Variants in CFAP61 observed in about 807,000 individuals in gnomAD.
CFAP61 encodes the protein cilia and flagella associated protein 61.
Under a neutral mutation model 135.6 loss-of-function variants are expected in CFAP61, and 107 were observed. The ratio of observed to expected loss-of-function variants is 0.79; its 90% CI spans 0.67 to 0.93. The LOEUF is 0.93. CFAP61 is among the 40% of genes least tolerant of loss of function. The pLI, the probability that CFAP61 is intolerant of heterozygous loss-of-function variation, is 0.00. For missense variants in CFAP61, 1,507 were observed against 1,556.2 expected, an observed-to-expected ratio of 0.97 and a Z score of 0.53; for synonymous variants, 575 against 578.5, an observed-to-expected ratio of 0.99 and a Z score of 0.09.
chr20:20,078,204 A>G (rs2046191805), intron 6 of CFAP61, among the ~76,000 whole-genome samples: 2 of 152,220 alleles, frequency 1.3e-5, no homozygotes, highest in Non-Finnish European at 2.9e-5. Flanking sequence ...ATAATGAGGC[A>G]TGACCGACCA....
At chr20:20,207,965 T>G (rs2056929418) in intron 17 of CFAP61, among the ~76,000 whole-genome samples, 1 of 152,236 alleles carries the variant, frequency 6.6e-6, no homozygotes, top group Non-Finnish European at 1.5e-5. Context: ...TACTAAGTAT[T>G]GTAAAGTGTG....
chr20:20,290,506 C>A (rs544707205), intron 24 of CFAP61, 115 bp downstream of exon 24: 2 of 702,808 alleles, frequency 2.8e-6, no homozygotes, highest in African/African-American at 3.5e-5. Context: ...ACATCAGAAG[C>A]CCACTGGAGT....
chr20:20,144,226 C>T (rs1337451558), intron 9 of CFAP61, among the ~76,000 whole-genome samples: 2 of 152,060 alleles, frequency 1.3e-5, no homozygotes, highest in Non-Finnish European at 2.9e-5. Context: ...ACTCACAAAA[C>T]TGGTAATATA....
At chr20:20,358,781 T>C (rs1305536204) in intron 26 of CFAP61, among the ~76,000 whole-genome samples, 1 of 152,246 alleles carries the variant, frequency 6.6e-6, no homozygotes, top group African/African-American at 2.4e-5. Context: ...AGCTTGAGTC[T>C]GTTTTCCTAT....
At chr20:20,156,613 A>G (rs1056949962) in intron 9 of CFAP61, among the ~76,000 whole-genome samples, 2 of 152,146 alleles carry the variant, frequency 1.3e-5, no homozygotes, top group African/African-American at 4.8e-5. Flanking sequence ...CACAGACAAC[A>G]TGACTACCTA....
chr20:20,277,096 T>C, intron 21 of CFAP61, 70 bp from the exon 22 acceptor site: 13 of 1,237,004 alleles, frequency 1.1e-5, no homozygotes, highest in Non-Finnish European at 1.3e-5. Flanking sequence ...CAATTCGGCA[T>C]TATTAGCATT....
intron 24 of CFAP61, among the ~76,000 whole-genome samples, chr20:20,291,610 C>T (rs2055002634): frequency 6.6e-6 from 1 of 152,092 alleles, no homozygotes; most frequent in Non-Finnish European, 1.5e-5. Flanking sequence ...TGTGATGCAT[C>T]GATAGATAAC....
chr20:20,158,360 A>G (rs1166780342), intron 9 of CFAP61, among the ~76,000 whole-genome samples: 1 of 152,004 alleles, frequency 6.6e-6, no homozygotes, highest in Non-Finnish European at 1.5e-5. Context: ...AAAAAAAAAA[A>G]AAAAAAAAGA....
chr20:20,083,684 G>A (rs1360159151), intron 6 of CFAP61, among the ~76,000 whole-genome samples: 1 of 152,076 alleles, frequency 6.6e-6, no homozygotes, highest in Non-Finnish European at 1.5e-5. Context: ...ATATCCTAAA[G>A]CATTCCAAAA....
At chr20:20,350,459 T>C (rs528797481) in intron 26 of CFAP61, among the ~76,000 whole-genome samples, 8 of 152,258 alleles carry the variant, frequency 5.3e-5, no homozygotes, top group African/African-American at 1.9e-4. Context: ...TGAAACCACA[T>C]CTCTACTAAA....
chr20:20,172,211 G>T (rs6081903), intron 13 of CFAP61: 898,899 of 962,482 alleles, frequency 0.93, 421,563 homozygotes, highest in Middle Eastern at 0.97. Context: ...CAGGATTTCA[G>T]TAACCTTATA....
At chr20:20,121,934 CTTT>C (rs545176887) in intron 8 of CFAP61, among the ~76,000 whole-genome samples, 1 of 142,248 alleles carries the variant, frequency 7.0e-6, no homozygotes, top group Non-Finnish European at 1.5e-5. Flanking sequence ...TTCATTGCTT[CTTT>C]TTTTTTTTTA....
At chr20:20,355,438 G>C (rs371134921) in intron 26 of CFAP61, among the ~76,000 whole-genome samples, 407 of 14,668 alleles carry the variant, frequency 0.028, 36 homozygotes, top group Middle Eastern at 0.33. Flanking sequence ...AGGGGAGGTG[G>C]TCACACTGTG....
chr20:20,149,181 T>A (rs934635708), intron 9 of CFAP61, among the ~76,000 whole-genome samples: 4 of 152,210 alleles, frequency 2.6e-5, no homozygotes, highest in Non-Finnish European at 5.9e-5. Flanking sequence ...GACCATATTA[T>A]GGGCTATAAA....
At chr20:20,275,665 G>A (rs2053697260) in intron 21 of CFAP61, among the ~76,000 whole-genome samples, 1 of 152,192 alleles carries the variant, frequency 6.6e-6, no homozygotes, top group African/African-American at 2.4e-5. Flanking sequence ...CCTTAGCTGT[G>A]TGAGACCTAA....
At chr20:20,129,139 C>T (rs990551550) in intron 8 of CFAP61, among the ~76,000 whole-genome samples, 2 of 151,670 alleles carry the variant, frequency 1.3e-5, no homozygotes, top group African/African-American at 4.9e-5. Flanking sequence ...TGTCCATGTA[C>T]TTAATTTTAC....
chr20:20,263,197 T>A, intron 21 of CFAP61, 67 bp downstream of exon 21: 1 of 1,174,328 alleles, frequency 8.5e-7, no homozygotes, highest in Non-Finnish European at 1.2e-6. Flanking sequence ...GTCTCATTCT[T>A]CATCTAGTTC....
intron 2 of CFAP61, among the ~76,000 whole-genome samples, chr20:20,058,115 T>C (rs923956839): frequency 6.6e-6 from 1 of 152,248 alleles, no homozygotes; most frequent in East Asian, 1.9e-4. Flanking sequence ...TTGAAATGTT[T>C]AAGCTAAGGC....
chr20:20,070,697 C>A (rs751384301), intron 2 of CFAP61, among the ~76,000 whole-genome samples, 157 bp from the exon 3 acceptor site: 7 of 152,102 alleles, frequency 4.6e-5, no homozygotes, highest in Non-Finnish European at 8.8e-5. Context: ...AACGATGTAC[C>A]CCAAAGTGGC....
Sources: allele counts gnomAD v4.1 joint callset (sites outside exome capture counted in the v4.1 genomes callset), GRCh38; gene constraint gnomAD v4.1.1; transcripts MANE v1.5; gene names NCBI Gene and HGNC (gene_info 2026-07-23, HGNC 2026-07-21).